The following PRDM16 variants were observed in gnomAD, a reference collection of about 807,000 sequenced individuals.
PRDM16 encodes PR/SET domain 16.
A neutral mutation model predicts 110.6 loss-of-function variants in PRDM16; 23 were observed. The ratio of observed to expected loss-of-function variants is 0.21; its 90% CI spans 0.15 to 0.29. The LOEUF (loss-of-function observed/expected upper bound fraction) is 0.29, where lower values mean the gene tolerates loss of function less well. PRDM16 is among the 10% of genes least tolerant of loss of function. PRDM16 has a pLI of 1.00. For missense variants in PRDM16, 1,615 were observed against 1,794.3 expected (o/e 0.90, Z 1.81); for synonymous variants, 799 against 781.8 (o/e 1.02, Z -0.37).
At position 3,430,793 on chromosome 1, in the gene PRDM16, C is replaced by T. The variant is rs577513201; in HGVS notation, c.3285-79C>T. 1.3e-4 allele frequency: 205 copies of T among 1,525,892 alleles called. No homozygotes were observed. The East Asian group carries it at 2.1e-3, about 16-fold the overall frequency. 94.5% of individuals were successfully genotyped at this position (1,525,892 alleles called of 1,614,324 possible). ...GTCGGGGGAGGCAGTGGGGGCAGAGCGGAGTCACCAGCCTTTGGGGGTCCA... is the reference window on the plus strand; with the variant it reads ...GTCGGGGGAGGCAGTGGGGGCAGAGTGGAGTCACCAGCCTTTGGGGGTCCA... On this transcript the variant is annotated intron_variant, in intron 14 of 16. Transcript: ENST00000270722.
intron 6 of PRDM16, among the ~76,000 whole-genome samples, chr1:3,403,201 G>A (rs1444788895): frequency 6.6e-6 from 1 of 152,176 alleles, no homozygotes; most frequent in East Asian, 1.9e-4. Context: ...GGCAGAGCAG[G>A]TGCAGGATCC....
chr1:3,088,987 T>A (rs2100593392), intron 1 of PRDM16, among the ~76,000 whole-genome samples: 1 of 151,550 alleles, frequency 6.6e-6, no homozygotes, highest in South Asian at 2.1e-4. Context: ...TTCACCATGT[T>A]GGCCAGGCTG....
intron 6 of PRDM16, among the ~76,000 whole-genome samples, chr1:3,403,382 C>T (rs1434030350): frequency 6.6e-6 from 1 of 152,260 alleles, no homozygotes; most frequent in Non-Finnish European, 1.5e-5. Context: ...CCCAAGGCTA[C>T]TTCTGTAATA....
At chr1:3,188,999 G>T (rs2651919) in intron 2 of PRDM16, among the ~76,000 whole-genome samples, 118,776 of 152,146 alleles carry the variant, frequency 0.78, 46,869 homozygotes, top group Middle Eastern at 0.87. Flanking sequence ...CACCTGTCCC[G>T]AAAGAGCTGA....
At chr1:3,367,328 A>G (rs1380553363) in intron 3 of PRDM16, among the ~76,000 whole-genome samples, 2 of 152,152 alleles carry the variant, frequency 1.3e-5, no homozygotes, top group South Asian at 2.1e-4. Flanking sequence ...GCTCAAGAAC[A>G]TAACTGCCAT....
rs1638785299 is a variant in PRDM16, at chr1:3,432,137, C to T, written c.3693C>T (p.Asn1231=). The change falls in exon 16 of 17, where the codon AAC becomes AAT. Residue 1231 remains asparagine (N), a synonymous_variant. Transcript: ENST00000270722. ...LKHTLCRQAK[N]QAYAMMLSLS... is the part of the protein sequence containing the mutation. ...ATACACTGTGCAGGCAGGCTAAGAACCAGGTAGGTACCCGCCAGAGCCCCT... is the reference window on the plus strand; with the variant it reads ...ATACACTGTGCAGGCAGGCTAAGAATCAGGTAGGTACCCGCCAGAGCCCCT... 6.2e-7 allele frequency: 1 copy of T among 1,612,870 alleles called. No individual in the cohort carries two copies. Among genetic ancestry groups the T allele is most frequent in the Non-Finnish European group, 8.5e-7 (1 of 1,179,574 alleles).
intron 1 of PRDM16, among the ~76,000 whole-genome samples, chr1:3,153,293 G>A (rs1643808525): frequency 6.6e-6 from 1 of 152,258 alleles, no homozygotes; most frequent in African/African-American, 2.4e-5. Flanking sequence ...ACGTGGGCCT[G>A]GGGAGCTAAA....
intron 3 of PRDM16, among the ~76,000 whole-genome samples, chr1:3,349,851 C>T (rs929753446): frequency 6.6e-5 from 10 of 152,192 alleles, no homozygotes; most frequent in Admixed American, 2.0e-4. Context: ...CCTCAGCCTC[C>T]GCAGCCCCCG....
intron 3 of PRDM16, among the ~76,000 whole-genome samples, chr1:3,275,927 C>G (rs1640572647): frequency 6.6e-6 from 1 of 152,226 alleles, no homozygotes; most frequent in South Asian, 2.1e-4. Flanking sequence ...GACCATGTTT[C>G]CCTTTCTCTG....
chr1:3,318,047 C>T (rs1641652471), intron 3 of PRDM16, among the ~76,000 whole-genome samples: 1 of 152,126 alleles, frequency 6.6e-6, no homozygotes, highest in African/African-American at 2.4e-5. Flanking sequence ...GAGGCCTGTC[C>T]CCGGAGCATC....
intron 3 of PRDM16, among the ~76,000 whole-genome samples, chr1:3,251,241 G>T (rs1401060757): frequency 6.7e-6 from 1 of 150,272 alleles, no homozygotes; most frequent in Non-Finnish European, 1.5e-5. Context: ...TTGAGCTCCA[G>T]GCCTGGCCGT....
rs1480289631 is a variant in PRDM16, at chr1:3,437,484, G to A, written c.*3673G>A. Reference sequence around the variant, plus strand: ...ATTCACTGTGCTGTCCTAGGGGGAGGGAGAGCAGAGCTCGCCCCTGCACTG... The same window carrying A: ...ATTCACTGTGCTGTCCTAGGGGGAGAGAGAGCAGAGCTCGCCCCTGCACTG... On this transcript the variant is annotated 3_prime_UTR_variant, in exon 17 of 17. Coordinates refer to ENST00000270722, the MANE Select transcript of PRDM16 (RefSeq NM_022114.4). The A allele has an allele frequency of 4.4e-6, 1 of 229,476 alleles. No individual in the cohort carries two copies. The highest frequency in any genetic ancestry group is 8.6e-6 in the Non-Finnish European group (1 of 115,796). 14.2% of individuals were successfully genotyped at this position (229,476 alleles called of 1,614,324 possible).
chr1:3,302,161 T>C (rs1019662601), intron 3 of PRDM16, among the ~76,000 whole-genome samples: 1 of 152,172 alleles, frequency 6.6e-6, no homozygotes, highest in African/African-American at 2.4e-5. Flanking sequence ...CATCTACTGG[T>C]CAATAAACAA....
chr1:3,085,153 C>T (rs886520168), intron 1 of PRDM16, among the ~76,000 whole-genome samples: 3 of 152,184 alleles, frequency 2.0e-5, no homozygotes, highest in Non-Finnish European at 2.9e-5. Context: ...CTAGAACGTT[C>T]GTGCAGGTGG....
intron 1 of PRDM16, among the ~76,000 whole-genome samples, chr1:3,110,430 C>G (rs1413897871): frequency 6.9e-6 from 1 of 145,800 alleles, no homozygotes; most frequent in Non-Finnish European, 1.5e-5. Flanking sequence ...CCCCCATGTC[C>G]TGGGTGTGCA....
chr1:3,083,694 T>TG (rs948145187), intron 1 of PRDM16, among the ~76,000 whole-genome samples: 3 of 151,892 alleles, frequency 2.0e-5, no homozygotes, highest in Admixed American at 6.6e-5. Flanking sequence ...TCCAGGGGGT[T>TG]GGGGGTGTTG....
intron 3 of PRDM16, among the ~76,000 whole-genome samples, chr1:3,318,205 C>T (rs1469831362): frequency 6.6e-6 from 1 of 152,096 alleles, no homozygotes; most frequent in Non-Finnish European, 1.5e-5. Context: ...AGGGAAGACA[C>T]GTATAGGACT....
chr1:3,273,817 AGTGTGTGT>A lies in PRDM16; in HGVS notation c.438+29707_438+29714del, dbSNP rs57550885. 7.3e-3 allele frequency among the ~76,000 whole-genome samples: 994 copies of A among 137,066 alleles called. 6 individuals are homozygous for A. The highest frequency in any genetic ancestry group is 0.02 in the African/African-American group (777 of 38,260). 89.9% of individuals were successfully genotyped at this position (137,066 alleles called of 152,430 possible). ...GTGTGGCTAACTGCATAGGCATGTA[AGTGTGTGT>A]GTGTGTGTGTGTGTGTGTGTGTGTG... is the stretch of plus-strand genomic sequence containing the variant. On this transcript the variant is annotated intron_variant, in intron 3 of 16. Transcript: ENST00000270722.
At chr1:3,131,150 T>G (rs1643328012) in intron 1 of PRDM16, among the ~76,000 whole-genome samples, 1 of 152,256 alleles carries the variant, frequency 6.6e-6, no homozygotes, top group East Asian at 1.9e-4. Flanking sequence ...GTTGTTTTCG[T>G]TTTTTTCATC....
Sources: gnomAD v4.1 joint callset for allele counts (sites outside exome capture counted in the v4.1 genomes callset) on GRCh38, gnomAD v4.1.1 for gene constraint, MANE v1.5 for transcripts, NCBI Gene and HGNC (gene_info 2026-07-23, HGNC 2026-07-21) for gene names.